The following MAOB variants were observed in gnomAD, a reference collection of about 807,000 sequenced individuals.
The protein encoded by MAOB is amine oxidase [flavin-containing] B.
Under a neutral mutation model 41.9 loss-of-function variants are expected in MAOB, and 15 were observed. That is an observed-to-expected ratio of 0.36 (90% CI 0.24 to 0.55). MAOB has a LOEUF of 0.55. Ranked by LOEUF, MAOB falls within the 20% of genes least tolerant of loss-of-function variation. The pLI is 0.86. For missense variants in MAOB, 345 were observed against 398.7 expected (o/e 0.87, Z 1.15); for synonymous variants, 167 against 144.2 (o/e 1.16, Z -1.13).
intron 1 of MAOB, among the ~76,000 whole-genome samples, chrX:43,878,608 T>C (rs7063171): frequency 0.011 from 1,199 of 111,578 alleles, 21 homozygotes; most frequent in African/African-American, 0.037. Context: ...TTCAGGCATA[T>C]CTATATAATT....
intron 7 of MAOB, among the ~76,000 whole-genome samples, chrX:43,794,619 G>A (rs1401173264): frequency 9.0e-6 from 1 of 110,499 alleles, no homozygotes; most frequent in Admixed American, 9.7e-5. Context: ...AATATTTTCT[G>A]TGTTTTTCTA....
chrX:43,786,395 A>C (rs1315176684), intron 8 of MAOB, among the ~76,000 whole-genome samples: 1 of 111,408 alleles, frequency 9.0e-6, no homozygotes, highest in Non-Finnish European at 1.9e-5. Context: ...CAAACCAGGA[A>C]GCCTTTTAAA....
chrX:43,797,836 G>T (rs1318631123), intron 5 of MAOB, among the ~76,000 whole-genome samples: 1 of 111,529 alleles, frequency 9.0e-6, no homozygotes, highest in Non-Finnish European at 1.9e-5. Flanking sequence ...TCCCTACCAT[G>T]ATGCTCTCTC....
chrX:43,839,113 CT>C, intron 2 of MAOB, 108 bp from the exon 3 acceptor site: 1 of 526,540 alleles, frequency 1.9e-6, no homozygotes, highest in Non-Finnish European at 2.8e-6. Context: ...ATAGATACAG[CT>C]TAAGGGTATA....
intron 1 of MAOB, among the ~76,000 whole-genome samples, chrX:43,851,647 C>T (rs2035253056): frequency 9.0e-6 from 1 of 111,562 alleles, no homozygotes; most frequent in Admixed American, 9.5e-5. Flanking sequence ...GGGTGACCCC[C>T]TCCCCAGATC....
intron 3 of MAOB, among the ~76,000 whole-genome samples, chrX:43,836,150 C>T (rs554246006): frequency 8.9e-6 from 1 of 112,022 alleles, no homozygotes; most frequent in South Asian, 3.8e-4. Context: ...TTCAAATTCC[C>T]AAAGTACTGC....
At chrX:43,772,719 C>T (rs749760376) in intron 12 of MAOB, among the ~76,000 whole-genome samples, 2 of 111,614 alleles carry the variant, frequency 1.8e-5, no homozygotes, top group Non-Finnish European at 3.8e-5. Context: ...ATTTCCAATG[C>T]TTGAGGTGGG....
At chrX:43,800,555 C>T (rs951599991) in intron 5 of MAOB, among the ~76,000 whole-genome samples, 1 of 110,981 alleles carries the variant, frequency 9.0e-6, no homozygotes, top group African/African-American at 3.3e-5. Flanking sequence ...GAACTGGTTG[C>T]TTTCAAAGGT....
At chrX:43,855,199 CAGAAGTCACAAGTGGT>C (rs2035280132) in intron 1 of MAOB, among the ~76,000 whole-genome samples, 1 of 111,904 alleles carries the variant, frequency 8.9e-6, no homozygotes, top group Non-Finnish European at 1.9e-5. Flanking sequence ...AACTTTCAAA[CAGAAGTCACAAGTGGT>C]AGAAGAATCA....
intron 3 of MAOB, among the ~76,000 whole-genome samples, chrX:43,822,891 CCAT>C (rs1054089488): frequency 9.0e-6 from 1 of 110,691 alleles, no homozygotes; most frequent in East Asian, 2.8e-4. Context: ...ACCACCATCA[CCAT>C]CATCATCATC....
At chrX:43,802,102 T>C in intron 5 of MAOB, 70 bp downstream of exon 5, 1 of 856,549 alleles carries the variant, frequency 1.2e-6, no homozygotes, top group Non-Finnish European at 1.7e-6. Context: ...CCCATACTTG[T>C]TGAACGGTAT....
intron 7 of MAOB, 151 bp downstream of exon 7, chrX:43,795,588 G>C (rs752752875): frequency 2.2e-6 from 1 of 453,850 alleles, no homozygotes; most frequent in East Asian, 3.7e-5. Context: ...TCTTTCCTGT[G>C]ACCAGCCCCA....
At chrX:43,790,250 T>C (rs910137611) in intron 8 of MAOB, among the ~76,000 whole-genome samples, 1 of 112,503 alleles carries the variant, frequency 8.9e-6, no homozygotes, top group Non-Finnish European at 1.9e-5. Context: ...GATCTTGTTA[T>C]AAGAGTGAAC....
intron 3 of MAOB, among the ~76,000 whole-genome samples, chrX:43,807,298 G>T (rs987771338): frequency 1.5e-4 from 17 of 112,010 alleles, no homozygotes; most frequent in Non-Finnish European, 3.2e-4. Context: ...CACAGAGTAA[G>T]ACAGTTACTT....
intron 3 of MAOB, among the ~76,000 whole-genome samples, chrX:43,815,448 C>T (rs1220256065): frequency 8.9e-6 from 1 of 111,809 alleles, no homozygotes; most frequent in African/African-American, 3.3e-5. Context: ...CTACCAGTGT[C>T]AGCTTTTCCA....
intron 1 of MAOB, 188 bp from the exon 2 acceptor site, chrX:43,843,952 G>T: frequency 2.1e-6 from 2 of 970,526 alleles, no homozygotes; most frequent in Non-Finnish European, 1.3e-6. Flanking sequence ...CGACAAAAGG[G>T]ATTTCATTTT....
intron 3 of MAOB, among the ~76,000 whole-genome samples, chrX:43,811,243 A>G (rs977031127): frequency 3.6e-5 from 4 of 111,027 alleles, no homozygotes; most frequent in African/African-American, 9.9e-5. Context: ...GGAGGTAAAG[A>G]CCCAACACCC....
At chrX:43,867,580 C>T (rs2035373753) in intron 1 of MAOB, among the ~76,000 whole-genome samples, 1 of 112,135 alleles carries the variant, frequency 8.9e-6, no homozygotes, top group Admixed American at 9.5e-5. Flanking sequence ...TCTTTCTTTC[C>T]TTTCACTTAA....
At chrX:43,782,278 A>C (rs1476320620) in intron 8 of MAOB, among the ~76,000 whole-genome samples, 1 of 111,381 alleles carries the variant, frequency 9.0e-6, no homozygotes, top group Non-Finnish European at 1.9e-5. Context: ...AATCAAATAG[A>C]TGCAATAAAA....
Sources: gnomAD v4.1 joint callset for allele counts (sites outside exome capture counted in the v4.1 genomes callset) on GRCh38, gnomAD v4.1.1 for gene constraint, MANE v1.5 for transcripts, NCBI Gene and HGNC (gene_info 2026-07-23, HGNC 2026-07-21) for gene names.